The following MBD3L2 variants were observed in gnomAD, a reference collection of about 807,000 sequenced individuals.
MBD3L2 encodes the protein methyl-CpG binding domain protein 3 like 2.
For missense variants in MBD3L2, 71 were observed against 84.0 expected (o/e 0.85, Z 0.60); for synonymous variants, 20 against 33.9 (o/e 0.59, Z 1.42).
chr19:7,051,495 G>T lies in MBD3L2; in HGVS notation c.500G>T (p.Gly167Val), dbSNP rs529588821. 6.4e-5 allele frequency: 45 copies of T among 707,472 alleles called. No individual in the cohort carries two copies. The highest frequency in any genetic ancestry group is 7.3e-4 in the Middle Eastern group (2 of 2,754). The allele number at this position is 707,472 out of a possible 1,614,324, so 43.8% of individuals were successfully genotyped here. A position where few individuals can be genotyped will look rare whatever the true frequency, so the allele number is the denominator to read the frequency against. Residue 167 changes from glycine (G) to valine (V), a missense_variant, in exon 2 of 2, where the codon GGC becomes GTC. Physicochemically the swap from Gly to Val is moderately radical, Grantham distance 109 (BLOSUM62 -3). Transcript: ENST00000381393. ...MGCQLPPPLS[G>V]QLVTPADIRR... ...TGTCAGCTCCCACCGCCCCTCTCTG[G>T]CCAATTGGTGACTCCTGCAGATATC...
intron 1 of MBD3L2, among the ~76,000 whole-genome samples, chr19:7,050,286 G>C (rs1368273168): frequency 7.3e-6 from 1 of 137,920 alleles, no homozygotes; most frequent in Admixed American, 7.4e-5. Flanking sequence ...TCTTAGGAGG[G>C]GCTTAATCAT....
intron 1 of MBD3L2, among the ~76,000 whole-genome samples, chr19:7,050,169 CA>C (rs2145139918): frequency 6.8e-6 from 1 of 146,806 alleles, no homozygotes; most frequent in Admixed American, 6.9e-5. Context: ...GCCAGGACAA[CA>C]GAAATGAAAT....
chr19:7,051,445 A>AG lies in MBD3L2; in HGVS notation c.456dup (p.Pro153AlafsTer69). On this transcript the variant is annotated frameshift_variant, in exon 2 of 2. Coordinates refer to ENST00000381393, the MANE Select transcript of MBD3L2 (RefSeq NM_144614.4). LOFTEE classifies it low-confidence loss of function (END_TRUNC). The stretch of plus-strand genomic sequence containing the variant: ...CCCCTGGGCGGTTTCCAGCTGTGGC[A>AG]GGGGGGCCAACCCCAGGAATGGGTT... The AG allele has an allele frequency of 1.4e-6, 1 of 696,322 alleles. No individual in the cohort carries two copies. Among genetic ancestry groups the AG allele is most frequent in the South Asian group, 1.5e-5 (1 of 66,456 alleles). The allele number at this position is 696,322 out of a possible 1,614,324, so 43.1% of individuals were successfully genotyped here.
In MBD3L2 at chr19:7,051,556, G is replaced by A; in HGVS notation, c.561G>A (p.Glu187=). The part of the protein sequence containing the change: ...RQARRVKKAR[E]RLAKALQADR... Reference sequence around the variant, plus strand: ...CCAGGAGGGTGAAGAAAGCCAGGGAGAGACTGGCCAAGGCCTTGCAGGCAG... The same window carrying A: ...CCAGGAGGGTGAAGAAAGCCAGGGAAAGACTGGCCAAGGCCTTGCAGGCAG... Residue 187 remains glutamate (E), a synonymous_variant, in exon 2 of 2, where the codon GAG becomes GAA. Coordinates refer to ENST00000381393, the MANE Select transcript of MBD3L2 (RefSeq NM_144614.4). 1.4e-6 allele frequency: 1 copy of A among 716,304 alleles called. No individual in the cohort carries two copies. The highest frequency in any genetic ancestry group is 2.6e-6 in the Non-Finnish European group (1 of 385,274). The allele number at this position is 716,304 out of a possible 1,614,324, so 44.4% of individuals were successfully genotyped here. A position where few individuals can be genotyped will look rare whatever the true frequency, so the allele number is the denominator to read the frequency against.
Position 7,051,488 on chromosome 19 carries a change from CT to C in MBD3L2, c.494del (p.Leu165ProfsTer6), listed in dbSNP as rs779394249. On this transcript the variant is annotated frameshift_variant, in exon 2 of 2. Coordinates refer to ENST00000381393, the MANE Select transcript of MBD3L2 (RefSeq NM_144614.4). LOFTEE classifies it low-confidence loss of function (END_TRUNC). ...PGMGCQLPPP[L>X]SGQLVTPADI... ...AATGGGTTGTCAGCTCCCACCGCCC[CT>C]CTCTGGCCAATTGGTGACTCCTGCA... 8.5e-6 allele frequency: 6 copies of C among 706,126 alleles called. No homozygotes were observed. The African/African-American group carries it at 1.1e-4, about 13-fold the overall frequency. The allele number at this position is 706,126 out of a possible 1,614,324, so 43.7% of individuals were successfully genotyped here. A position where few individuals can be genotyped will look rare whatever the true frequency, so the allele number is the denominator to read the frequency against.
rs199746244 is a variant in MBD3L2 at position 7,051,229 on chromosome 19, C to T, written c.234C>T (p.Asp78=). The stretch of plus-strand genomic sequence containing the variant: ...ACCAGGTCAGACGCAGAAAAGGGGA[C>T]GAGCACCTGGAGAAGCCGCAGCAAC... ...PDNQVRRRKG[D]EHLEKPQQLC... Residue 78 remains aspartate, a synonymous_variant, in exon 2 of 2, where the codon GAC becomes GAT. Coordinates refer to ENST00000381393, the MANE Select transcript of MBD3L2 (RefSeq NM_144614.4). 4.7e-5 allele frequency: 22 copies of T among 465,868 alleles called. No individual in the cohort carries two copies. The highest frequency in any genetic ancestry group is 9.6e-5 in the Admixed American group (2 of 20,768). The allele number at this position is 465,868 out of a possible 1,614,324, so 28.9% of individuals were successfully genotyped here.
chr19:7,050,941 G>C, intron 1 of MBD3L2, 100 bp from the exon 2 acceptor site: 3 of 96,894 alleles, frequency 3.1e-5, no homozygotes, highest in African/African-American at 2.6e-4. Context: ...AGAAAGAGAG[G>C]CTGGTGGGAA....
Sources: allele counts gnomAD v4.1 joint callset (sites outside exome capture counted in the v4.1 genomes callset), GRCh38; gene constraint gnomAD v4.1.1; transcripts MANE v1.5; gene names NCBI Gene and HGNC (gene_info 2026-07-23, HGNC 2026-07-21).